The following MAGI1 variants were observed in gnomAD, a reference collection of about 807,000 sequenced individuals.
The protein encoded by MAGI1 is membrane associated guanylate kinase, WW and PDZ domain containing 1.
Under a neutral mutation model 139.9 loss-of-function variants are expected in MAGI1, and 58 were observed. The ratio of observed to expected loss-of-function variants is 0.41; its 90% CI spans 0.34 to 0.52. The LOEUF (loss-of-function observed/expected upper bound fraction) is 0.52, where lower values mean the gene tolerates loss of function less well. Ranked by LOEUF, MAGI1 falls within the 20% of genes least tolerant of loss-of-function variation. The probability of loss-of-function intolerance (pLI) is 0.12; values close to 1 mark genes in which losing one functional copy is unlikely to be tolerated. For synonymous variants in MAGI1, 812 were observed against 737.9 expected (o/e 1.10, Z -1.63); for missense variants, 1,874 against 1,901.6 (o/e 0.99, Z 0.27).
intron 1 of MAGI1, among the ~76,000 whole-genome samples, chr3:65,713,975 C>T (rs1167252929): frequency 1.3e-5 from 2 of 152,048 alleles, no homozygotes; most frequent in African/African-American, 4.8e-5. Context: ...AGGGGACATA[C>T]GAAAAGCTCA....
rs189344464 is a variant in MAGI1 at position 65,980,853 on chromosome 3, A to G, written c.313+57143T>C. Among the ~76,000 whole-genome samples the G allele has an allele frequency of 2.7e-3, 409 of 152,302 alleles. 4 individuals are homozygous for G. The highest frequency in any genetic ancestry group is 9.2e-3 in the African/African-American group (382 of 41,574). On this transcript the variant is annotated intron_variant, in intron 1 of 22. Transcript: ENST00000402939. ...TTACAATTAAATGAATTAAAATGAA[A>G]TAGAATTAGAAATTTAATTTCCCGG... is the stretch of plus-strand genomic sequence containing the variant.
chr3:65,945,502 C>G (rs1298570864), intron 1 of MAGI1, among the ~76,000 whole-genome samples: 2 of 150,242 alleles, frequency 1.3e-5, no homozygotes, highest in East Asian at 3.9e-4. Context: ...TCCTTGTGGA[C>G]CAACCTTGTC....
chr3:65,805,980 T>C (rs762863281), intron 1 of MAGI1, among the ~76,000 whole-genome samples: 6 of 152,054 alleles, frequency 3.9e-5, no homozygotes, highest in Non-Finnish European at 8.8e-5. Context: ...AAATAGCTAA[T>C]AGATGCAGGG....
At chr3:65,911,189 T>A (rs1316767185) in intron 1 of MAGI1, among the ~76,000 whole-genome samples, 1 of 151,958 alleles carries the variant, frequency 6.6e-6, no homozygotes, top group Non-Finnish European at 1.5e-5. Flanking sequence ...ATCCAACATC[T>A]ATTTTCCCCA....
chr3:65,530,657 G>A (rs75702806), intron 2 of MAGI1, among the ~76,000 whole-genome samples: 2,228 of 67,058 alleles, frequency 0.033, 140 homozygotes, highest in African/African-American at 0.11. Context: ...GTGTGTGTGT[G>A]TGTGTATATA....
chr3:65,866,328 C>G (rs2059727000), intron 1 of MAGI1, among the ~76,000 whole-genome samples: 1 of 149,796 alleles, frequency 6.7e-6, no homozygotes, highest in South Asian at 2.1e-4. Flanking sequence ...GTCCTCCCAC[C>G]TCAACCTCCT....
chr3:65,432,178 C>A (rs1273839320), intron 10 of MAGI1, among the ~76,000 whole-genome samples: 1 of 152,066 alleles, frequency 6.6e-6, no homozygotes, highest in Admixed American at 6.6e-5. Flanking sequence ...CTTACTGGAA[C>A]TTCTCTGATT....
At chr3:65,592,862 A>C (rs551452531) in intron 2 of MAGI1, among the ~76,000 whole-genome samples, 1 of 152,308 alleles carries the variant, frequency 6.6e-6, no homozygotes, top group African/African-American at 2.4e-5. Context: ...ATTTTAACTA[A>C]TCATTTTTAC....
intron 1 of MAGI1, among the ~76,000 whole-genome samples, chr3:65,778,275 C>CA (rs1237797904): frequency 6.6e-6 from 1 of 151,716 alleles, no homozygotes; most frequent in Non-Finnish European, 1.5e-5. Flanking sequence ...ACTGAAAATA[C>CA]AAAAATTAGC....
chr3:65,816,734 T>C (rs1265915400), intron 1 of MAGI1, among the ~76,000 whole-genome samples: 1 of 152,206 alleles, frequency 6.6e-6, no homozygotes, highest in Non-Finnish European at 1.5e-5. Flanking sequence ...AGTGTTAATT[T>C]GCTCCCTATA....
At chr3:65,390,574 T>C (rs1433214246) in intron 14 of MAGI1, among the ~76,000 whole-genome samples, 2 of 152,330 alleles carry the variant, frequency 1.3e-5, no homozygotes, top group Non-Finnish European at 2.9e-5. Context: ...CAAAGTATAC[T>C]ATCACTGGCT....
chr3:65,597,236 G>A (rs1246997993), intron 2 of MAGI1, among the ~76,000 whole-genome samples: 2 of 151,014 alleles, frequency 1.3e-5, no homozygotes, highest in Admixed American at 1.3e-4. Flanking sequence ...CCATCCATCA[G>A]GAACTCATTT....
chr3:65,530,854 C>CTT (rs2078679452), intron 2 of MAGI1, among the ~76,000 whole-genome samples: 1 of 108,176 alleles, frequency 9.2e-6, no homozygotes, highest in Non-Finnish European at 1.8e-5. Context: ...CACACACACA[C>CTT]ATATATATAT....
rs752957965 is a variant in MAGI1, at chr3:65,442,829, T to C, written c.1099A>G (p.Lys367Glu). Residue 367 changes from lysine to glutamate, a missense_variant, in exon 8 of 23, where the codon AAG becomes GAG. By Grantham distance (56) the Lys-to-Glu change is moderately conservative. Transcript: ENST00000402939. ...ATACCATAGACAGGGTCTTCAATCTTTTCCCAACCAGCAGGCAGTTCTGAA... is the reference window on the plus strand; with the variant it reads ...ATACCATAGACAGGGTCTTCAATCTCTTCCCAACCAGCAGGCAGTTCTGAA... ...SELELPAGWE[K>E]IEDPVYGIYY... 1.2e-6 allele frequency: 2 copies of C among 1,613,182 alleles called. No individual in the cohort carries two copies. Among genetic ancestry groups the C allele is most frequent in the South Asian group, 2.2e-5 (2 of 91,052 alleles).
At chr3:65,494,948 T>C (rs1038858248) in intron 2 of MAGI1, among the ~76,000 whole-genome samples, 2 of 152,230 alleles carry the variant, frequency 1.3e-5, no homozygotes, top group Non-Finnish European at 2.9e-5. Context: ...ATGGTTATAG[T>C]ATAGATGTTT....
intron 5 of MAGI1, among the ~76,000 whole-genome samples, chr3:65,466,395 G>C (rs1950177158): frequency 6.6e-6 from 1 of 152,120 alleles, no homozygotes; most frequent in African/African-American, 2.4e-5. Context: ...CCGAAAAGAG[G>C]AAAGGGGGCT....
intron 12 of MAGI1, 52 bp from the exon 13 acceptor site, chr3:65,401,522 A>C (rs755650069): frequency 6.3e-7 from 1 of 1,598,396 alleles, no homozygotes; most frequent in East Asian, 2.3e-5. Flanking sequence ...TTAGCATATA[A>C]ATGTTACCTT....
intron 1 of MAGI1, among the ~76,000 whole-genome samples, chr3:65,845,509 A>G (rs1490465431): frequency 6.6e-6 from 1 of 152,236 alleles, no homozygotes; most frequent in Non-Finnish European, 1.5e-5. Flanking sequence ...TCTGGAACAG[A>G]GTAGGCACTC....
At chr3:65,860,505 G>A (rs573562186) in intron 1 of MAGI1, among the ~76,000 whole-genome samples, 68 of 152,302 alleles carry the variant, frequency 4.5e-4, no homozygotes, top group African/African-American at 1.5e-3. Context: ...CGGGCAGCCC[G>A]CGCGTTCCCC....
Sources: gnomAD v4.1 joint callset for allele counts (sites outside exome capture counted in the v4.1 genomes callset) on GRCh38, gnomAD v4.1.1 for gene constraint, MANE v1.5 for transcripts, NCBI Gene and HGNC (gene_info 2026-07-23, HGNC 2026-07-21) for gene names.